The following ASAP2 variants were observed in gnomAD, a reference collection of about 807,000 sequenced individuals.
The protein encoded by ASAP2 is ArfGAP with SH3 domain, ankyrin repeat and PH domain 2.
ASAP2 carries 45 observed loss-of-function variants against 131.4 expected under a neutral mutation model. The observed-to-expected ratio is 0.34, with a 90% confidence interval of 0.27 to 0.44. ASAP2 has a LOEUF of 0.44. ASAP2 is among the 20% of genes least tolerant of loss of function. The pLI, the probability that ASAP2 is intolerant of heterozygous loss-of-function variation, is 1.00. For synonymous variants in ASAP2, 510 were observed against 503.0 expected (o/e 1.01, Z -0.19); for missense variants, 1,011 against 1,297.0 (o/e 0.78, Z 3.39).
chr2:9,394,234 G>A (rs1277606688), intron 24 of ASAP2, among the ~76,000 whole-genome samples: 2 of 145,136 alleles, frequency 1.4e-5, no homozygotes, highest in South Asian at 2.2e-4. Context: ...GCGTGATCTC[G>A]GCTCACTGCA....
rs1410190469 is a variant in ASAP2, at chr2:9,405,669, T to G, written c.*2342T>G. 4 of 152,568 alleles carry G rather than the reference T, an allele frequency of 2.6e-5. No individual in the cohort carries two copies. Among genetic ancestry groups the G allele is most frequent in the African/African-American group, 9.6e-5 (4 of 41,460 alleles). The allele number at this position is 152,568 out of a possible 1,614,324, so 9.5% of individuals were successfully genotyped here. A position where few individuals can be genotyped will look rare whatever the true frequency, so the allele number is the denominator to read the frequency against. On this transcript the variant is annotated 3_prime_UTR_variant, in exon 28 of 28. Coordinates refer to ENST00000281419, the MANE Select transcript of ASAP2 (RefSeq NM_003887.3). Reference sequence around the variant, plus strand: ...TTTGACTGGAAAAAAATAAAATACTTTTAAATGGACATGGTTTTATTTTTA... The same window carrying G: ...TTTGACTGGAAAAAAATAAAATACTGTTAAATGGACATGGTTTTATTTTTA...
chr2:9,257,892 C>A (rs1274653258), intron 1 of ASAP2, among the ~76,000 whole-genome samples: 1 of 152,116 alleles, frequency 6.6e-6, no homozygotes, highest in Non-Finnish European at 1.5e-5. Context: ...ACCTATGTGG[C>A]CTTGGAAAAA....
At chr2:9,307,971 TG>T (rs1345057476) in intron 3 of ASAP2, among the ~76,000 whole-genome samples, 4 of 152,172 alleles carry the variant, frequency 2.6e-5, no homozygotes, top group African/African-American at 4.8e-5. Flanking sequence ...TATGTGTACG[TG>T]TGCATGCATG....
chr2:9,227,639 A>G lies in ASAP2; in HGVS notation c.126+20409A>G, dbSNP rs1008118543. 3.9e-5 allele frequency among the ~76,000 whole-genome samples: 6 copies of G among 152,338 alleles called. No individual in the cohort carries two copies. In the East Asian group the frequency reaches 7.7e-4, roughly 20 times the overall value. On this transcript the variant is annotated intron_variant, in intron 1 of 27. Transcript: ENST00000281419. ...AAGTAGTAGCCCTGAGACTTTAACCAGGATCTTACAGCTCTTGTTCAATGA... is the reference window on the plus strand; with the variant it reads ...AAGTAGTAGCCCTGAGACTTTAACCGGGATCTTACAGCTCTTGTTCAATGA...
At chr2:9,231,826 G>A (rs1280490676) in intron 1 of ASAP2, among the ~76,000 whole-genome samples, 1 of 152,198 alleles carries the variant, frequency 6.6e-6, no homozygotes, top group Non-Finnish European at 1.5e-5. Context: ...CTGGCAGCCT[G>A]GCCCTTCCCT....
chr2:9,324,887 G>A (rs531771529), intron 6 of ASAP2, among the ~76,000 whole-genome samples: 1 of 152,058 alleles, frequency 6.6e-6, no homozygotes, highest in Non-Finnish European at 1.5e-5. Context: ...TCTGCCTTTC[G>A]ATTGGATTGT....
intron 4 of ASAP2, among the ~76,000 whole-genome samples, chr2:9,319,841 G>A (rs538568052): frequency 3.3e-5 from 5 of 152,274 alleles, no homozygotes; most frequent in East Asian, 1.9e-4. Flanking sequence ...AGGATGTGGC[G>A]GCCTTTCTAT....
At chr2:9,230,573 G>GAGCA (rs1453551249) in intron 1 of ASAP2, among the ~76,000 whole-genome samples, 1 of 152,160 alleles carries the variant, frequency 6.6e-6, no homozygotes, top group African/African-American at 2.4e-5. Context: ...GGGAGGGAAG[G>GAGCA]AGCAGTATCT....
intron 4 of ASAP2, 149 bp downstream of exon 4, chr2:9,318,747 T>G (rs769399916): frequency 1.7e-6 from 1 of 577,304 alleles, no homozygotes. Flanking sequence ...ATTTGCCATC[T>G]TGGGACCACC....
At chr2:9,313,421 A>G (rs1445333620) in intron 3 of ASAP2, among the ~76,000 whole-genome samples, 1 of 149,286 alleles carries the variant, frequency 6.7e-6, no homozygotes, top group Non-Finnish European at 1.5e-5. Flanking sequence ...GTGTACATTC[A>G]TGTTCATGTG....
chr2:9,244,850 C>T (rs1664226419), intron 1 of ASAP2, among the ~76,000 whole-genome samples: 1 of 152,278 alleles, frequency 6.6e-6, no homozygotes, highest in East Asian at 1.9e-4. Context: ...CTTTCTGAGG[C>T]ATCATAAAAA....
chr2:9,395,594 C>CTTTTTTTTTTTTTTTTTTTT lies in ASAP2; in HGVS notation c.2684+1959_2684+1978dup. On this transcript the variant is annotated intron_variant, in intron 24 of 27. Transcript: ENST00000281419. ...GTTTTGTTTTTCTTGTGTTTTTTTT[C>CTTTTTTTTTTTTTTTTTTTT]TTTTTTTTTTTTTTTTTTTTTTTTT... is the stretch of plus-strand genomic sequence containing the variant. Among the ~76,000 whole-genome samples the CTTTTTTTTTTTTTTTTTTTT allele has an allele frequency of 1.7e-4, 10 of 59,056 alleles. 3 individuals carry two copies. The highest frequency in any genetic ancestry group is 3.3e-4 in the Non-Finnish European group (9 of 27,436). The allele number at this position is 59,056 out of a possible 152,430, so 38.7% of individuals were successfully genotyped here. A position where few individuals can be genotyped will look rare whatever the true frequency, so the allele number is the denominator to read the frequency against.
At chr2:9,398,574 G>T (rs992562130) in intron 24 of ASAP2, among the ~76,000 whole-genome samples, 2 of 152,090 alleles carry the variant, frequency 1.3e-5, no homozygotes, top group Non-Finnish European at 2.9e-5. Flanking sequence ...TTGGGAGGCC[G>T]AGGTGGGCAG....
At chr2:9,249,763 T>C (rs113228510) in intron 1 of ASAP2, among the ~76,000 whole-genome samples, 4,633 of 149,360 alleles carry the variant, frequency 0.031, 114 homozygotes, top group Admixed American at 0.088. Context: ...CTGCATGCAC[T>C]GCCACCCCCA....
chr2:9,278,879 C>T (rs1446484572), intron 1 of ASAP2, among the ~76,000 whole-genome samples: 2 of 152,128 alleles, frequency 1.3e-5, no homozygotes, highest in African/African-American at 2.4e-5. Flanking sequence ...GGGTTGCCTC[C>T]ACCTTGTTAG....
intron 2 of ASAP2, among the ~76,000 whole-genome samples, chr2:9,280,446 G>A (rs533750927): frequency 5.3e-5 from 8 of 151,952 alleles, no homozygotes; most frequent in Non-Finnish European, 7.4e-5. Flanking sequence ...AGCCACAATC[G>A]GGAAGAATCT....
intron 24 of ASAP2, 52 bp downstream of exon 24, chr2:9,393,699 A>G: frequency 6.6e-6 from 10 of 1,506,668 alleles, no homozygotes; most frequent in Non-Finnish European, 8.9e-6. Context: ...CTCTGACCTC[A>G]CCTGCCCAGG....
In ASAP2 at chr2:9,273,568, G is replaced by C. The variant is rs115255475; in HGVS notation, c.127-5749G>C. ...TGGAATTTTATTATTATTCGAATCA[G>C]TCTCCTGGAGCATTCGGGGATCAGA... On this transcript the variant is annotated intron_variant, in intron 1 of 27. Coordinates refer to ENST00000281419, the MANE Select transcript of ASAP2 (RefSeq NM_003887.3). 6.0e-3 allele frequency among the ~76,000 whole-genome samples: 912 copies of C among 152,350 alleles called. 12 individuals are homozygous for C. The highest frequency in any genetic ancestry group is 0.021 in the African/African-American group (872 of 41,584).
chr2:9,306,642 C>CG, intron 3 of ASAP2, among the ~76,000 whole-genome samples: 1 of 151,880 alleles, frequency 6.6e-6, no homozygotes, highest in Non-Finnish European at 1.5e-5. Flanking sequence ...CCTTTGTCCT[C>CG]GGGTTGATGA....
Sources: allele counts gnomAD v4.1 joint callset (sites outside exome capture counted in the v4.1 genomes callset), GRCh38; gene constraint gnomAD v4.1.1; transcripts MANE v1.5; gene names NCBI Gene and HGNC (gene_info 2026-07-23, HGNC 2026-07-21).